The following BNIPL variants were observed in gnomAD, a reference collection of about 807,000 sequenced individuals.
The protein encoded by BNIPL is BCL2 interacting protein like.
A neutral mutation model predicts 47.0 loss-of-function variants in BNIPL; 33 were observed. The ratio of observed to expected loss-of-function variants is 0.70; its 90% confidence interval spans 0.53 to 0.94. The LOEUF (loss-of-function observed/expected upper bound fraction) is 0.94. Ranked by LOEUF, BNIPL falls within the 40% of genes least tolerant of loss-of-function variation. BNIPL has a pLI of 0.00. For missense variants in BNIPL, 404 were observed against 445.2 expected, an observed-to-expected ratio of 0.91 and a Z score of 0.83; for synonymous variants, 145 against 162.7, an observed-to-expected ratio of 0.89 and a Z score of 0.83.
chr1:151,040,304 C>T (rs940689652), intron 4 of BNIPL, among the ~76,000 whole-genome samples: 1 of 152,050 alleles, frequency 6.6e-6, no homozygotes, highest in Non-Finnish European at 1.5e-5. Flanking sequence ...CTCAGCCTCC[C>T]AAGTATCTGG....
At position 151,046,959 on chromosome 1, in the gene BNIPL, T is replaced by A. The variant is rs1676049556; in HGVS notation, c.*272T>A. The A allele has an allele frequency of 1.4e-5, 4 of 293,232 alleles. No individual in the cohort carries two copies. The highest frequency in any genetic ancestry group is 6.6e-5 in the African/African-American group (3 of 45,494). 18.2% of individuals were successfully genotyped at this position (293,232 alleles called of 1,614,324 possible). On this transcript the variant is annotated 3_prime_UTR_variant, in exon 10 of 10. Coordinates refer to ENST00000368931, the MANE Select transcript of BNIPL (RefSeq NM_138278.4). ...GTATGGGATATGCAGAGCTCTGGGT[T>A]TTTTTGTTTTTTGTTTTTTGAGACG...
intron 4 of BNIPL, among the ~76,000 whole-genome samples, chr1:151,039,908 G>A (rs1450977188): frequency 6.6e-6 from 1 of 152,036 alleles, no homozygotes; most frequent in Non-Finnish European, 1.5e-5. Context: ...GTGCTATCAC[G>A]TGTGGCTAAT....
At chr1:151,037,078 A>G (rs938830113) in intron 1 of BNIPL, among the ~76,000 whole-genome samples, 6 of 152,226 alleles carry the variant, frequency 3.9e-5, no homozygotes, top group African/African-American at 1.4e-4. Flanking sequence ...CCATCAGGAA[A>G]GCTGAACCAG....
chr1:151,037,393 AAT>A lies in BNIPL; in HGVS notation c.42-173_42-172del, dbSNP rs1675649225. 4 of 1,347,490 alleles carry A rather than the reference AAT, an allele frequency of 3.0e-6. No individual in the cohort carries two copies. In the South Asian group the frequency reaches 5.3e-5, roughly 18 times the overall value. The allele number at this position is 1,347,490 out of a possible 1,614,324, so 83.5% of individuals were successfully genotyped here. ...TCTGCTCCCAAACTTAACAGCAGGTAATCTGCTTCTAGCAAGTGGTGAAGGTA... is the reference window on the plus strand; with the variant it reads ...TCTGCTCCCAAACTTAACAGCAGGTACTGCTTCTAGCAAGTGGTGAAGGTA... On this transcript the variant is annotated intron_variant, in intron 1 of 9. Coordinates refer to ENST00000368931, the MANE Select transcript of BNIPL (RefSeq NM_138278.4).
rs189429347 is a variant in BNIPL, at chr1:151,045,432, G to A, written c.852-365G>A. The A allele has an allele frequency of 2.3e-3, 420 of 185,120 alleles. 4 individuals are homozygous for A. The highest frequency in any genetic ancestry group is 3.2e-3 in the Non-Finnish European group (285 of 88,610). 11.5% of individuals were successfully genotyped at this position (185,120 alleles called of 1,614,324 possible). A position where few individuals can be genotyped will look rare whatever the true frequency, so the allele number is the denominator to read the frequency against. ...AAATTAGCCGGGCACGGTGGCGGGC[G>A]CCTGTAGTCCCAGCTACTCAGGAGG... is the stretch of plus-strand genomic sequence containing the variant. On this transcript the variant is annotated intron_variant, in intron 7 of 9. Coordinates refer to ENST00000368931, the MANE Select transcript of BNIPL (RefSeq NM_138278.4).
chr1:151,041,828 C>T (rs968706320), intron 4 of BNIPL, among the ~76,000 whole-genome samples: 2 of 151,772 alleles, frequency 1.3e-5, no homozygotes, highest in Admixed American at 6.6e-5. Context: ...ACAAAAAATT[C>T]GCCACACATG....
intron 1 of BNIPL, 63 bp downstream of exon 1, chr1:151,036,829 C>A: frequency 6.8e-7 from 1 of 1,476,374 alleles, no homozygotes; most frequent in South Asian, 1.1e-5. Flanking sequence ...GAGACTTCCC[C>A]ACCACCCAGC....
In BNIPL at chr1:151,036,782, G is replaced by A; in HGVS notation, c.41+16G>A. 4 of 1,600,666 alleles carry A rather than the reference G, an allele frequency of 2.5e-6. No individual in the cohort carries two copies. The highest frequency in any genetic ancestry group is 3.4e-6 in the Non-Finnish European group (4 of 1,167,816). ...CAGATGTTGGGTAAGTAAGATCTTG[G>A]CTCACTTGATTGGTAACAGTGAATA... On this transcript the variant is annotated intron_variant, in intron 1 of 9. Coordinates refer to ENST00000368931, the MANE Select transcript of BNIPL (RefSeq NM_138278.4).
intron 4 of BNIPL, among the ~76,000 whole-genome samples, 181 bp from the exon 5 acceptor site, chr1:151,042,775 C>T (rs1675871511): frequency 1.3e-5 from 2 of 150,692 alleles, no homozygotes; most frequent in South Asian, 4.2e-4. Context: ...GATCCCACCA[C>T]TGCACTCCAG....
chr1:151,042,416 C>T (rs1444711993), intron 4 of BNIPL, among the ~76,000 whole-genome samples: 1 of 152,080 alleles, frequency 6.6e-6, no homozygotes. Context: ...TGAGCACAAC[C>T]TTGAGTTCCC....
chr1:151,038,289 G>A (rs1214171580), intron 2 of BNIPL: 30 of 573,436 alleles, frequency 5.2e-5, no homozygotes, highest in South Asian at 3.7e-4. Flanking sequence ...TGGGAGGACC[G>A]CTTGAACCCT....
Position 151,043,111 on chromosome 1 carries a change from C to A in BNIPL, c.589C>A (p.Pro197Thr). The A allele has an allele frequency of 1.2e-6, 2 of 1,613,248 alleles. No homozygotes were observed. The highest frequency in any genetic ancestry group is 2.2e-5 in the South Asian group (2 of 90,946). The change falls in exon 5 of 10, where the codon CCC becomes ACC. Residue 197 changes from proline (P) to threonine (T), a missense_variant. Transcript: ENST00000368931. ...GCGCGTAGACATGACTGTCATTGAG[C>A]CCTATAAGAAAGTCCTGTCTCATGG... ...EQRVDMTVIE[P>T]YKKVLSHGGY...
In BNIPL at chr1:151,042,972, A is replaced by G. The variant is rs138527619; in HGVS notation, c.450A>G (p.Ala150=). 5 of 1,585,234 alleles carry G rather than the reference A, an allele frequency of 3.2e-6. No individual in the cohort carries two copies. Among genetic ancestry groups the G allele is most frequent in the Admixed American group, 2.0e-5 (1 of 50,372 alleles). Residue 150 remains alanine (A), a synonymous_variant, in exon 5 of 10, where the codon GCA becomes GCG. Transcript: ENST00000368931. ...EFEWEDELPR[A]EGLGTSETAE... is the part of the protein sequence containing the mutation. Reference sequence around the variant, plus strand: ...CTCTTTTAGATGAACTACCCCGGGCAGAGGGTCTGGGCACCAGTGAGACAG... The same window carrying G: ...CTCTTTTAGATGAACTACCCCGGGCGGAGGGTCTGGGCACCAGTGAGACAG...
chr1:151,038,709 T>C, intron 3 of BNIPL, 87 bp from the exon 4 acceptor site: 1 of 1,555,272 alleles, frequency 6.4e-7, no homozygotes, highest in Non-Finnish European at 8.7e-7. Context: ...TCACCCCATA[T>C]TATCACTTTC....
rs376160025 is a variant in BNIPL, at chr1:151,044,987, G to A, written c.852-810G>A. The stretch of plus-strand genomic sequence containing the variant: ...TGGAGCAGAAAAAGACCAGGTGGTC[G>A]GGCGCGGTGGCTCACGTCTGTAATC... On this transcript the variant is annotated intron_variant, in intron 7 of 9. Coordinates refer to ENST00000368931, the MANE Select transcript of BNIPL (RefSeq NM_138278.4). 1,151 of 1,274,658 alleles carry A rather than the reference G, an allele frequency of 9.0e-4. 15 individuals are homozygous for A. The South Asian group carries it at 0.014, about 15-fold the overall frequency. The allele number at this position is 1,274,658 out of a possible 1,614,324, so 79.0% of individuals were successfully genotyped here. A position where few individuals can be genotyped will look rare whatever the true frequency, so the allele number is the denominator to read the frequency against.
At position 151,043,620 on chromosome 1, in the gene BNIPL, G is replaced by T; in HGVS notation, c.744G>T (p.Leu248=). 1 of 1,612,160 alleles carries T rather than the reference G, an allele frequency of 6.2e-7. No individual in the cohort carries two copies. The highest frequency in any genetic ancestry group is 1.1e-5 in the South Asian group (1 of 91,028). Residue 248 remains leucine, a synonymous_variant, in exon 7 of 10, where the codon CTG becomes CTT. Coordinates refer to ENST00000368931, the MANE Select transcript of BNIPL (RefSeq NM_138278.4). ...GGTATATGGTGGGAACTCTGGAGCT[G>T]CTAGTAGCTGAAAATTACCTGCTTG... is the stretch of plus-strand genomic sequence containing the variant. The part of the protein sequence containing the change: ...LFRYMVGTLE[L]LVAENYLLVH...
In BNIPL at chr1:151,043,318, C is replaced by T; in HGVS notation, c.617-14C>T. ...ATTTGTTGACCAAATGAATTTTCCC[C>T]TTACACTCTCCAGGTTACCACGGTG... On this transcript the variant is annotated splice_polypyrimidine_tract_variant and intron_variant, in intron 5 of 9. Coordinates refer to ENST00000368931, the MANE Select transcript of BNIPL (RefSeq NM_138278.4). 6.3e-7 allele frequency: 1 copy of T among 1,578,804 alleles called. No homozygotes were observed. Among genetic ancestry groups the T allele is most frequent in the Non-Finnish European group, 8.7e-7 (1 of 1,147,978 alleles).
chr1:151,038,367 C>G lies in BNIPL; in HGVS notation c.138-137C>G, dbSNP rs587652821. On this transcript the variant is annotated intron_variant, in intron 2 of 9. Coordinates refer to ENST00000368931, the MANE Select transcript of BNIPL (RefSeq NM_138278.4). ...CCAGCCTGGGCAACAGAGTGAGACC[C>G]TGTCTCAAAAAAACAATTAAAAAAA... 113 of 693,744 alleles carry G rather than the reference C, an allele frequency of 1.6e-4. No homozygotes were observed. In the African/African-American group the frequency reaches 1.9e-3, roughly 12 times the overall value. 43.0% of individuals were successfully genotyped at this position (693,744 alleles called of 1,614,324 possible). A position where few individuals can be genotyped will look rare whatever the true frequency, so the allele number is the denominator to read the frequency against.
intron 4 of BNIPL, 114 bp downstream of exon 4, chr1:151,039,140 G>A: frequency 7.5e-7 from 1 of 1,329,352 alleles, no homozygotes; most frequent in Non-Finnish European, 9.7e-7. Flanking sequence ...AAGGGCTACG[G>A]CCAGCAAAAT....
Sources: allele counts gnomAD v4.1 joint callset (sites outside exome capture counted in the v4.1 genomes callset), GRCh38; gene constraint gnomAD v4.1.1; transcripts MANE v1.5; gene names NCBI Gene and HGNC (gene_info 2026-07-23, HGNC 2026-07-21).